Variants in BCKDHB observed in about 807,000 individuals in gnomAD.
BCKDHB encodes branched chain keto acid dehydrogenase E1 subunit beta.
Under a neutral mutation model 48.5 loss-of-function variants are expected in BCKDHB, and 41 were observed. The ratio of observed to expected loss-of-function variants is 0.85; its 90% CI spans 0.66 to 1.10. The LOEUF is 1.10. BCKDHB is among the 50% of genes least tolerant of loss of function. The pLI is 0.00. For synonymous variants in BCKDHB, 201 were observed against 174.8 expected, an observed-to-expected ratio of 1.15 and a Z score of -1.18; for missense variants, 496 against 494.2, an observed-to-expected ratio of 1.00 and a Z score of -0.03.
At chr6:80,318,701 A>G (rs1056674174) in intron 9 of BCKDHB, among the ~76,000 whole-genome samples, 13 of 139,342 alleles carry the variant, frequency 9.3e-5, no homozygotes, top group Non-Finnish European at 1.6e-4. Flanking sequence ...AAAAAAAAAA[A>G]AAAGAAAAGA....
chr6:80,178,253 A>T (rs1179860884), intron 6 of BCKDHB, among the ~76,000 whole-genome samples: 1 of 152,142 alleles, frequency 6.6e-6, no homozygotes, highest in Non-Finnish European at 1.5e-5. Flanking sequence ...TTACTCCTTT[A>T]ATCTTCCTTT....
chr6:80,111,883 G>GC (rs936441923), intron 1 of BCKDHB, among the ~76,000 whole-genome samples: 2 of 152,088 alleles, frequency 1.3e-5, no homozygotes, highest in African/African-American at 4.8e-5. Flanking sequence ...GTTACCCAGA[G>GC]CCCCCCAGAA....
At chr6:80,149,984 TA>T (rs11448111) in intron 3 of BCKDHB, among the ~76,000 whole-genome samples, 16 of 150,788 alleles carry the variant, frequency 1.1e-4, no homozygotes, top group African/African-American at 3.2e-4. Flanking sequence ...ATAATAATAA[TA>T]AAAAAAAATA....
chr6:80,379,374 A>G, the BCKDHB span, among the ~76,000 whole-genome samples: 34 of 152,234 alleles, frequency 2.2e-4, no homozygotes, highest in Non-Finnish European at 4.1e-4. Flanking sequence ...TAAGTATTTG[A>G]TTAAATGCAA....
chr6:80,323,767 G>C (rs1768869056), intron 9 of BCKDHB, among the ~76,000 whole-genome samples: 1 of 152,084 alleles, frequency 6.6e-6, no homozygotes, highest in Admixed American at 6.5e-5. Flanking sequence ...TTATTAGTGA[G>C]AAAAAGCAAA....
the BCKDHB span, among the ~76,000 whole-genome samples, chr6:80,443,941 A>G: frequency 6.6e-6 from 1 of 152,046 alleles, no homozygotes; most frequent in Non-Finnish European, 1.5e-5. Context: ...ACTTAGTTAC[A>G]TAACACTGAT....
chr6:80,220,696 G>A (rs1196581168), intron 8 of BCKDHB, among the ~76,000 whole-genome samples: 8 of 149,342 alleles, frequency 5.4e-5, no homozygotes, highest in Non-Finnish European at 1.2e-4. Context: ...CAATTTGAAT[G>A]CTTTTTATCA....
chr6:80,419,975 C>G, the BCKDHB span, among the ~76,000 whole-genome samples: 1 of 152,222 alleles, frequency 6.6e-6, no homozygotes, highest in Non-Finnish European at 1.5e-5. Flanking sequence ...TTCTTCTGCT[C>G]CAGGATTTCT....
chr6:80,466,012 G>T, the BCKDHB span: 1 of 152,184 alleles, frequency 6.6e-6, no homozygotes, highest in Non-Finnish European at 1.5e-5. Flanking sequence ...GTTTTAAAAG[G>T]ATATGAAATG....
At chr6:80,307,720 C>A in intron 9 of BCKDHB, 1 of 978,010 alleles carries the variant, frequency 1.0e-6, no homozygotes, top group Non-Finnish European at 1.2e-6. Flanking sequence ...TCCAGATTGA[C>A]TTTTGTTAGA....
intron 3 of BCKDHB, among the ~76,000 whole-genome samples, chr6:80,146,726 A>G (rs1041297434): frequency 6.6e-6 from 1 of 152,164 alleles, no homozygotes; most frequent in Non-Finnish European, 1.5e-5. Flanking sequence ...ATAGGGATGA[A>G]TGGAGTGGGG....
intron 6 of BCKDHB, among the ~76,000 whole-genome samples, chr6:80,198,451 T>C (rs188355625): frequency 6.4e-4 from 97 of 152,358 alleles, no homozygotes; most frequent in African/African-American, 2.3e-3. Context: ...TACTGTTTTT[T>C]ATTTAAACAT....
At chr6:80,278,255 A>C (rs1020659533) in intron 9 of BCKDHB, among the ~76,000 whole-genome samples, 8 of 152,216 alleles carry the variant, frequency 5.3e-5, no homozygotes, top group African/African-American at 1.9e-4. Flanking sequence ...ATACTTCTGT[A>C]CTAAAAGATG....
chr6:80,443,076 A>G, the BCKDHB span, among the ~76,000 whole-genome samples: 3 of 152,120 alleles, frequency 2.0e-5, no homozygotes, highest in Non-Finnish European at 4.4e-5. Flanking sequence ...GGCTGATGAA[A>G]TCAGCAAAAG....
At chr6:80,400,570 A>G in the BCKDHB span, among the ~76,000 whole-genome samples, 1 of 152,130 alleles carries the variant, frequency 6.6e-6, no homozygotes, top group East Asian at 1.9e-4. Context: ...TCAAAAAATA[A>G]TAGATGCTGG....
chr6:80,268,662 C>T (rs955973393), intron 8 of BCKDHB, among the ~76,000 whole-genome samples: 1 of 151,948 alleles, frequency 6.6e-6, no homozygotes, highest in Non-Finnish European at 1.5e-5. Flanking sequence ...TTTCAAATGT[C>T]GATGTTGTAC....
At chr6:80,134,512 A>G (rs1431721630) in intron 3 of BCKDHB, among the ~76,000 whole-genome samples, 1 of 152,098 alleles carries the variant, frequency 6.6e-6, no homozygotes, top group Non-Finnish European at 1.5e-5. Context: ...CAGTAAATTG[A>G]AGGGAAAGGA....
At chr6:80,360,842 T>A in the BCKDHB span, among the ~76,000 whole-genome samples, 1 of 151,602 alleles carries the variant, frequency 6.6e-6, no homozygotes, top group Admixed American at 6.6e-5. Flanking sequence ...CCGTCTCTAC[T>A]AAAAATACAA....
At chr6:80,145,014 T>C (rs573002328) in intron 3 of BCKDHB, among the ~76,000 whole-genome samples, 1 of 152,274 alleles carries the variant, frequency 6.6e-6, no homozygotes, top group East Asian at 1.9e-4. Flanking sequence ...TTTCTGAGAG[T>C]TGTACGTAGT....
Sources: allele counts gnomAD v4.1 joint callset (sites outside exome capture counted in the v4.1 genomes callset), GRCh38; gene constraint gnomAD v4.1.1; transcripts MANE v1.5; gene names NCBI Gene and HGNC (gene_info 2026-07-23, HGNC 2026-07-21).